The following HMGA2 variants were observed in gnomAD, a reference collection of about 807,000 sequenced individuals.
HMGA2 encodes the protein high mobility group AT-hook 2.
A neutral mutation model predicts 19.1 loss-of-function variants in HMGA2; 8 were observed. That is an observed-to-expected ratio of 0.42 (90% CI 0.25 to 0.76). HMGA2 has a LOEUF of 0.76. Ranked by LOEUF, HMGA2 falls within the 30% of genes least tolerant of loss-of-function variation. The pLI is 0.28. For missense variants in HMGA2, 109 were observed against 136.3 expected, an observed-to-expected ratio of 0.80 and a Z score of 1.00; for synonymous variants, 60 against 48.8, an observed-to-expected ratio of 1.23 and a Z score of -0.96.
At chr12:65,944,233 C>T (rs971061009) in intron 3 of HMGA2, among the ~76,000 whole-genome samples, 13 of 152,124 alleles carry the variant, frequency 8.5e-5, no homozygotes, top group African/African-American at 3.1e-4. Flanking sequence ...CCTGAGTTGA[C>T]CATTAATTTT....
At chr12:65,946,824 C>CT (rs1181848665) in intron 3 of HMGA2, among the ~76,000 whole-genome samples, 1 of 152,276 alleles carries the variant, frequency 6.6e-6, no homozygotes, top group East Asian at 1.9e-4. Flanking sequence ...AATTCAGTAA[C>CT]TTTTTTTCTT....
Position 65,881,886 on chromosome 12 carries a change from C to CCCCGGTAGGT in HMGA2, c.249+43323_249+43332dup, listed in dbSNP as rs1323753737. On this transcript the variant is annotated intron_variant, in intron 3 of 4. Transcript: ENST00000403681. ...TGCACTCAGAGGTGGCCCGAGAGAG[C>CCCCGGTAGGT]CCCGGTAGGTCCCGGAGTATGTTTC... The CCCCGGTAGGT allele has an allele frequency of 4.3e-6, 3 of 702,562 alleles. No individual in the cohort carries two copies. In the African/African-American group the frequency reaches 5.2e-5, roughly 12 times the overall value. The allele number at this position is 702,562 out of a possible 1,614,324, so 43.5% of individuals were successfully genotyped here. A position where few individuals can be genotyped will look rare whatever the true frequency, so the allele number is the denominator to read the frequency against.
At chr12:65,941,473 A>G (rs1278515985) in intron 3 of HMGA2, among the ~76,000 whole-genome samples, 1 of 152,206 alleles carries the variant, frequency 6.6e-6, no homozygotes, top group Non-Finnish European at 1.5e-5. Context: ...GCTTCCTCCA[A>G]GAAAAACAAC....
At chr12:65,915,219 T>TA in intron 3 of HMGA2, 1 of 1,596,388 alleles carries the variant, frequency 6.3e-7, no homozygotes, top group East Asian at 2.3e-5. Flanking sequence ...ATGTGTGGCT[T>TA]TCTCCGATAT....
intron 3 of HMGA2, among the ~76,000 whole-genome samples, chr12:65,939,208 T>C (rs1402796147): frequency 6.6e-6 from 1 of 152,204 alleles, no homozygotes; most frequent in African/African-American, 2.4e-5. Flanking sequence ...AAATTTTCCA[T>C]TGGTGTTATG....
At chr12:65,843,384 T>A in intron 3 of HMGA2, 1 of 205,280 alleles carries the variant, frequency 4.9e-6, no homozygotes, top group African/African-American at 2.3e-5. Flanking sequence ...TGATGTAATT[T>A]TATATATTAG....
intron 3 of HMGA2, among the ~76,000 whole-genome samples, chr12:65,853,108 G>C (rs74980477): frequency 1.3e-5 from 2 of 152,156 alleles, no homozygotes; most frequent in African/African-American, 4.8e-5. Context: ...GCCGACTGAC[G>C]TGTGGGGAAC....
chr12:65,898,089 A>G (rs1272791094), intron 3 of HMGA2, among the ~76,000 whole-genome samples: 1 of 152,130 alleles, frequency 6.6e-6, no homozygotes, highest in Non-Finnish European at 1.5e-5. Flanking sequence ...GGCTAAGTGT[A>G]TGTATTTTAA....
At chr12:65,954,681 G>A (rs1365076690) in intron 4 of HMGA2, 1 of 152,184 alleles carries the variant, frequency 6.6e-6, no homozygotes, top group African/African-American at 2.4e-5. Context: ...TGTTGCAGGG[G>A]TTTGTGTTTG....
chr12:65,852,840 A>G (rs1361986034), intron 3 of HMGA2, among the ~76,000 whole-genome samples: 1 of 152,190 alleles, frequency 6.6e-6, no homozygotes, highest in Non-Finnish European at 1.5e-5. Context: ...AAATAGGTGA[A>G]GTGCCCAGGA....
At chr12:65,889,983 T>C (rs1873835237) in intron 3 of HMGA2, among the ~76,000 whole-genome samples, 1 of 152,200 alleles carries the variant, frequency 6.6e-6, no homozygotes, top group Admixed American at 6.5e-5. Flanking sequence ...CTCCTAATTC[T>C]TACCCACTTG....
intron 3 of HMGA2, among the ~76,000 whole-genome samples, chr12:65,913,975 T>G (rs1290977889): frequency 6.6e-6 from 1 of 152,208 alleles, no homozygotes; most frequent in Non-Finnish European, 1.5e-5. Context: ...TTCATCCCCC[T>G]GCAACATGCT....
intron 3 of HMGA2, among the ~76,000 whole-genome samples, chr12:65,846,315 T>C (rs969742011): frequency 6.6e-6 from 1 of 152,232 alleles, no homozygotes; most frequent in Non-Finnish European, 1.5e-5. Context: ...GGCAAGTCTT[T>C]AGCCTCTGTT....
At chr12:65,875,936 T>C (rs940753804) in intron 3 of HMGA2, among the ~76,000 whole-genome samples, 4 of 152,140 alleles carry the variant, frequency 2.6e-5, no homozygotes, top group Non-Finnish European at 4.4e-5. Flanking sequence ...TCTTCAGCTA[T>C]TTTTAGAATC....
At position 65,937,314 on chromosome 12, in the gene HMGA2, C is replaced by T. The variant is rs554862629; in HGVS notation, c.250-14069C>T. ...GACAACTTGTTCCTAGAGTGGGATACTCCCCTGCTGAACTGACAGGGAGCC... is the reference window on the plus strand; with the variant it reads ...GACAACTTGTTCCTAGAGTGGGATATTCCCCTGCTGAACTGACAGGGAGCC... On this transcript the variant is annotated intron_variant, in intron 3 of 4. Coordinates refer to ENST00000403681, the MANE Select transcript of HMGA2 (RefSeq NM_003483.6). Among the ~76,000 whole-genome samples, 6 of 152,234 alleles carry T rather than the reference C, an allele frequency of 3.9e-5. No individual in the cohort carries two copies. In the South Asian group the frequency reaches 6.2e-4, roughly 16 times the overall value.
chr12:65,865,439 C>T (rs1345462848), intron 3 of HMGA2, among the ~76,000 whole-genome samples: 2 of 151,980 alleles, frequency 1.3e-5, no homozygotes, highest in East Asian at 3.9e-4. Context: ...AACATATGTA[C>T]AGTAAAAATA....
intron 3 of HMGA2, among the ~76,000 whole-genome samples, chr12:65,950,609 G>C (rs953349555): frequency 2.0e-5 from 3 of 152,196 alleles, no homozygotes; most frequent in African/African-American, 7.2e-5. Context: ...ATTTCTTTTA[G>C]AGGAGATGAA....
At chr12:65,870,590 C>T (rs546339298) in intron 3 of HMGA2, among the ~76,000 whole-genome samples, 4 of 152,204 alleles carry the variant, frequency 2.6e-5, no homozygotes, top group Non-Finnish European at 2.9e-5. Flanking sequence ...ATTAGCCAGG[C>T]GTGGTGGCAC....
At chr12:65,828,371 G>GA in intron 2 of HMGA2, 4 of 238,612 alleles carry the variant, frequency 1.7e-5, no homozygotes, top group Non-Finnish European at 3.2e-5. Flanking sequence ...GGAAGGGGTT[G>GA]CGGGGGGGGC....
Sources: allele counts gnomAD v4.1 joint callset (sites outside exome capture counted in the v4.1 genomes callset), GRCh38; gene constraint gnomAD v4.1.1; transcripts MANE v1.5; gene names NCBI Gene and HGNC (gene_info 2026-07-23, HGNC 2026-07-21).